Variants in LDLRAD4 observed in about 807,000 individuals in gnomAD.
The protein encoded by LDLRAD4 is low-density lipoprotein receptor class A domain-containing protein 4.
In LDLRAD4, 5 loss-of-function variants were observed where a neutral mutation model predicts 17.0. The ratio of observed to expected loss-of-function variants is 0.29; its 90% CI spans 0.15 to 0.62. The LOEUF (loss-of-function observed/expected upper bound fraction) is 0.62, where lower values mean the gene tolerates loss of function less well. LDLRAD4 is among the 20% of genes least tolerant of loss of function. LDLRAD4 has a pLI of 0.84. For synonymous variants in LDLRAD4, 168 were observed against 171.8 expected, an observed-to-expected ratio of 0.98 and a Z score of 0.17; for missense variants, 340 against 424.7, an observed-to-expected ratio of 0.80 and a Z score of 1.75.
chr18:13,226,210 C>A, intron 1 of LDLRAD4, among the ~76,000 whole-genome samples: 1 of 9,972 alleles, frequency 1.0e-4, no homozygotes, highest in South Asian at 3.6e-3. Context: ...TTGTAGAGAC[C>A]GGGTTTCGCC....
chr18:13,545,432 A>C (rs58484900), intron 3 of LDLRAD4, among the ~76,000 whole-genome samples: 2,377 of 152,282 alleles, frequency 0.016, 69 homozygotes, highest in African/African-American at 0.054. Flanking sequence ...AAAACATGAA[A>C]ATGATCAAAT....
intron 1 of LDLRAD4, among the ~76,000 whole-genome samples, chr18:13,295,092 T>C (rs1375029052): frequency 1.3e-5 from 2 of 152,294 alleles, no homozygotes; most frequent in Admixed American, 6.5e-5. Context: ...GGCTGAGGAA[T>C]TGGACCAACA....
chr18:13,346,332 A>G (rs1403166932), intron 1 of LDLRAD4, among the ~76,000 whole-genome samples: 3 of 152,142 alleles, frequency 2.0e-5, no homozygotes, highest in East Asian at 3.9e-4. Flanking sequence ...TCATTTTGTT[A>G]TGTACCCAGT....
At chr18:13,558,871 T>G in intron 3 of LDLRAD4, among the ~76,000 whole-genome samples, 2 of 149,692 alleles carry the variant, frequency 1.3e-5, no homozygotes, top group South Asian at 2.2e-4. Context: ...CCTTGAATTC[T>G]CCCACCCAGC....
At chr18:13,643,174 T>C (rs1470492310) in intron 4 of LDLRAD4, among the ~76,000 whole-genome samples, 185 bp from the exon 6 acceptor site, 2 of 152,024 alleles carry the variant, frequency 1.3e-5, no homozygotes, top group Non-Finnish European at 2.9e-5. Flanking sequence ...GACCTCGTGA[T>C]CCATCCGCCT....
At chr18:13,579,060 C>T (rs371901106) in intron 3 of LDLRAD4, among the ~76,000 whole-genome samples, 5 of 151,718 alleles carry the variant, frequency 3.3e-5, no homozygotes, top group Admixed American at 6.6e-5. Flanking sequence ...CGTGATGGCA[C>T]GTGCCTGTAG....
chr18:13,368,416 T>C (rs2084227926), intron 1 of LDLRAD4, among the ~76,000 whole-genome samples: 1 of 152,166 alleles, frequency 6.6e-6, no homozygotes, highest in Admixed American at 6.5e-5. Flanking sequence ...GTCTCAGGGA[T>C]GCCTGCTTTC....
intron 1 of LDLRAD4, among the ~76,000 whole-genome samples, chr18:13,226,179 G>GTTTTTTTTTTTTTTTTT (rs1243883704): frequency 3.5e-4 from 4 of 11,474 alleles, no homozygotes; most frequent in Admixed American, 1.2e-3. Flanking sequence ...GCCATGCCTT[G>GTTTTTTTTTTTTTTTTT]CTTTTTTTTT....
At chr18:13,294,710 G>GA (rs1157309206) in intron 1 of LDLRAD4, among the ~76,000 whole-genome samples, 6 of 151,956 alleles carry the variant, frequency 3.9e-5, no homozygotes, top group Admixed American at 3.9e-4. Flanking sequence ...CACTGAAAAT[G>GA]AGAGTCTTAA....
chr18:13,596,933 C>T (rs1412974531), intron 3 of LDLRAD4, among the ~76,000 whole-genome samples: 1 of 152,106 alleles, frequency 6.6e-6, no homozygotes, highest in African/African-American at 2.4e-5. Context: ...AAACAATTGC[C>T]TTTTAAGTTA....
intron 1 of LDLRAD4, among the ~76,000 whole-genome samples, chr18:13,328,165 G>A (rs1340604224): frequency 6.6e-6 from 1 of 152,206 alleles, no homozygotes; most frequent in Non-Finnish European, 1.5e-5. Flanking sequence ...CGCTGACCTT[G>A]GAGTGGTTCT....
At chr18:13,441,603 C>G (rs142558236) in intron 3 of LDLRAD4, among the ~76,000 whole-genome samples, 1 of 152,150 alleles carries the variant, frequency 6.6e-6, no homozygotes, top group Non-Finnish European at 1.5e-5. Flanking sequence ...GTTTCCTGGC[C>G]GTGCCGTTAG....
intron 3 of LDLRAD4, among the ~76,000 whole-genome samples, chr18:13,517,403 C>T (rs2093883714): frequency 6.6e-6 from 1 of 152,206 alleles, no homozygotes; most frequent in South Asian, 2.1e-4. Context: ...GGTTTTCCCT[C>T]CACAAGGTCC....
intron 2 of LDLRAD4, among the ~76,000 whole-genome samples, chr18:13,418,086 C>G (rs150977377): frequency 2.6e-5 from 4 of 152,194 alleles, no homozygotes; most frequent in South Asian, 2.1e-4. Flanking sequence ...GCACTGCACC[C>G]GCACTGAGCC....
chr18:13,430,682 T>C (rs2090276092), intron 2 of LDLRAD4, among the ~76,000 whole-genome samples: 1 of 152,222 alleles, frequency 6.6e-6, no homozygotes, highest in Non-Finnish European at 1.5e-5. Flanking sequence ...CATACACATA[T>C]GCTGTATTTC....
chr18:13,373,544 T>G lies in LDLRAD4; in HGVS notation c.-382-13797T>G, dbSNP rs971123617. ...AGAAGATTATTTTTTCAAGTAAGCT[T>G]ATACTATAATTCAATGATTGATGGT... On this transcript the variant is annotated intron_variant, in intron 1 of 5. Coordinates refer to ENST00000359446, the Ensembl canonical transcript of LDLRAD4. 3.9e-5 allele frequency among the ~76,000 whole-genome samples: 6 copies of G among 152,362 alleles called. No individual in the cohort carries two copies. The South Asian group carries it at 1.0e-3, about 26-fold the overall frequency.
intron 1 of LDLRAD4, among the ~76,000 whole-genome samples, chr18:13,373,155 A>ATGTGTC (rs1555664590): frequency 6.7e-6 from 1 of 149,560 alleles, no homozygotes; most frequent in African/African-American, 2.5e-5. Context: ...CAACTGTTTA[A>ATGTGTC]TGTGTGTGTG....
At chr18:13,290,610 T>A (rs1003602807) in intron 1 of LDLRAD4, among the ~76,000 whole-genome samples, 7 of 152,192 alleles carry the variant, frequency 4.6e-5, no homozygotes, top group African/African-American at 1.4e-4. Flanking sequence ...GGCACCTGCT[T>A]CTTGCACATG....
chr18:13,287,611 C>T (rs1455295694), intron 1 of LDLRAD4, among the ~76,000 whole-genome samples: 1 of 152,240 alleles, frequency 6.6e-6, no homozygotes, highest in Non-Finnish European at 1.5e-5. Flanking sequence ...TCTCCACTGT[C>T]TGCCCTCAGG....
Sources: gnomAD v4.1 joint callset for allele counts (sites outside exome capture counted in the v4.1 genomes callset) on GRCh38, gnomAD v4.1.1 for gene constraint, MANE v1.5 for transcripts, NCBI Gene and HGNC (gene_info 2026-07-23, HGNC 2026-07-21) for gene names.